Variants in TAF9 observed in about 807,000 individuals in gnomAD.
TAF9 encodes the protein transcription initiation factor TFIID subunit 9.
TAF9 carries 10 observed loss-of-function variants against 16.5 expected under a neutral mutation model. The observed-to-expected ratio is 0.61, with a 90% CI of 0.37 to 1.03. The LOEUF (loss-of-function observed/expected upper bound fraction) is 1.03. Among genes scored for constraint, TAF9 ranks in the 50% least tolerant of loss-of-function variants. TAF9 has a pLI of 0.01. For synonymous variants in TAF9, 105 were observed against 120.5 expected (o/e 0.87, Z 0.84); for missense variants, 288 against 319.1 (o/e 0.90, Z 0.74).
rs750248676 is a variant in TAF9 at position 69,366,549 on chromosome 5, T to C, written c.-64A>G. ...CATTAATGTATTTCAGTCCTGATTTTGACGCAAGTTCTTTGCCTAGTGTGG... is the reference window on the plus strand; with the variant it reads ...CATTAATGTATTTCAGTCCTGATTTCGACGCAAGTTCTTTGCCTAGTGTGG... On this transcript the variant is annotated 5_prime_UTR_variant, in exon 2 of 3. Coordinates refer to ENST00000217893, the MANE Select transcript of TAF9 (RefSeq NM_003187.5). 2.5e-6 allele frequency: 4 copies of C among 1,614,146 alleles called. No homozygotes were observed. Among genetic ancestry groups the C allele is most frequent in the Admixed American group, 1.7e-5 (1 of 60,024 alleles).
intron 2 of TAF9, 36 bp from the exon 3 acceptor site, chr5:69,365,790 C>T (rs1481910125): frequency 2.1e-6 from 3 of 1,405,686 alleles, no homozygotes; most frequent in African/African-American, 1.4e-5. Flanking sequence ...TACATTAGAT[C>T]AATCTGAAAT....
intron 2 of TAF9, 33 bp downstream of exon 2, chr5:69,366,470 A>C (rs1762430142): frequency 1.3e-6 from 2 of 1,580,122 alleles, no homozygotes; most frequent in Non-Finnish European, 1.7e-6. Context: ...TAAAAAAAAA[A>C]CAAAACAAAT....
At chr5:69,366,875 C>CA (rs1762453250) in intron 1 of TAF9, 1 of 352,838 alleles carries the variant, frequency 2.8e-6, no homozygotes. Flanking sequence ...TCTCCTGCCT[C>CA]AGTCTCCTCA....
At chr5:69,369,545 G>A, upstream of TAF9, 1 of 1,610,308 alleles carries the variant, frequency 6.2e-7, no homozygotes, top group South Asian at 1.1e-5. Flanking sequence ...TGCTCTACAG[G>A]GAGGAGCCGG....
chr5:69,369,481 G>A lies in TAF9; in HGVS notation c.-129C>T. ...CCCTGACCGGTGAGCAGGATGTTCG[G>A]AAGCAACATGGTCCCCGCCGCGACG... On this transcript the variant is annotated 5_prime_UTR_variant, in exon 1 of 3. Coordinates refer to ENST00000217893, the MANE Select transcript of TAF9 (RefSeq NM_003187.5). 1 of 1,611,304 alleles carries A rather than the reference G, an allele frequency of 6.2e-7. No individual in the cohort carries two copies. The highest frequency in any genetic ancestry group is 8.5e-7 in the Non-Finnish European group (1 of 1,179,322).
At chr5:69,368,265 T>A (rs1762594078) in intron 1 of TAF9, among the ~76,000 whole-genome samples, 1 of 152,222 alleles carries the variant, frequency 6.6e-6, no homozygotes, top group South Asian at 2.1e-4. Flanking sequence ...TGATACCTAT[T>A]AAAATTACAT....
At chr5:69,369,405 G>C in intron 1 of TAF9, 58 bp downstream of exon 1, 2 of 1,593,720 alleles carry the variant, frequency 1.3e-6, no homozygotes, top group South Asian at 1.1e-5. Flanking sequence ...CCGATGCCCA[G>C]AGCACTCTGC....
upstream of TAF9, chr5:69,369,582 C>CGGCCCCAAA (rs1322609339): frequency 3.1e-6 from 5 of 1,602,688 alleles, no homozygotes. Flanking sequence ...CAAAAGCCCA[C>CGGCCCCAAA]GGCCCCAAAG....
At chr5:69,366,701 C>T (rs1762442075) in intron 1 of TAF9, 106 bp from the exon 2 acceptor site, 4 of 804,248 alleles carry the variant, frequency 5.0e-6, no homozygotes, top group Non-Finnish European at 8.2e-6. Context: ...CTCACCTGGC[C>T]TCTGCCCTTA....
At chr5:69,368,688 C>T (rs3756402) in intron 1 of TAF9, 127,737 of 152,206 alleles carry the variant, frequency 0.84, 55,269 homozygotes, top group Non-Finnish European at 0.95. Context: ...CTGTACCTTG[C>T]AATAAAATCT....
upstream of TAF9, chr5:69,369,793 C>G (rs918579131): frequency 2.3e-5 from 31 of 1,366,142 alleles, no homozygotes; most frequent in East Asian, 7.9e-4. Flanking sequence ...TTGCGCCGAC[C>G]AGTCTGGAAG....
chr5:69,369,310 G>A (rs1429200741), intron 1 of TAF9, 153 bp downstream of exon 1: 1 of 547,066 alleles, frequency 1.8e-6, no homozygotes, highest in East Asian at 8.7e-5. Flanking sequence ...ACGCCCGCGA[G>A]GGTCGGCTCC....
At position 69,369,497 on chromosome 5, in the gene TAF9, C is replaced by A. The variant is rs374116068; in HGVS notation, c.-145G>T. On this transcript the variant is annotated 5_prime_UTR_variant, in exon 1 of 3. Transcript: ENST00000217893. ...GGATGTTCGGAAGCAACATGGTCCCCGCCGCGACGGCTTCGGGCGCCTCGC... is the reference window on the plus strand; with the variant it reads ...GGATGTTCGGAAGCAACATGGTCCCAGCCGCGACGGCTTCGGGCGCCTCGC... 20 of 1,611,486 alleles carry A rather than the reference C, an allele frequency of 1.2e-5. No homozygotes were observed. The African/African-American group carries it at 2.4e-4, about 19-fold the overall frequency.
Position 69,365,747 on chromosome 5 carries a change from T to C in TAF9, c.-10A>G, listed in dbSNP as rs773633469. On this transcript the variant is annotated 5_prime_UTR_variant, in exon 3 of 3. Transcript: ENST00000217893. ...TCTTGCCAGACTCCATGATATCCGA[T>C]GATCAGACTTTAGATCATTTGAAAA... The C allele has an allele frequency of 2.0e-6, 3 of 1,523,762 alleles. No individual in the cohort carries two copies. Among genetic ancestry groups the C allele is most frequent in the East Asian group, 2.3e-5 (1 of 44,162 alleles). 94.4% of individuals were successfully genotyped at this position (1,523,762 alleles called of 1,614,324 possible). A position where few individuals can be genotyped will look rare whatever the true frequency, so the allele number is the denominator to read the frequency against.
At position 69,365,267 on chromosome 5, in the gene TAF9, T is replaced by C; in HGVS notation, c.471A>G (p.Pro157=). 3 of 1,614,196 alleles carry C rather than the reference T, an allele frequency of 1.9e-6. No homozygotes were observed. The highest frequency in any genetic ancestry group is 2.5e-6 in the Non-Finnish European group (3 of 1,180,028). The change falls in exon 3 of 3, where the codon CCA becomes CCG. Residue 157 remains proline, a synonymous_variant. Transcript: ENST00000217893. ...RLSVGSVTSR[P]STPTLGTPTP... is the part of the protein sequence containing the mutation. The stretch of plus-strand genomic sequence containing the variant: ...TTGGTGTGCCTAGTGTGGGAGTACT[T>C]GGTCTGCTAGTAACTGAACCAACAC...
chr5:69,367,634 C>T lies in TAF9; in HGVS notation c.-110-1039G>A, dbSNP rs564022328. On this transcript the variant is annotated intron_variant, in intron 1 of 2. Transcript: ENST00000217893. The stretch of plus-strand genomic sequence containing the variant: ...TGCAGTGGAACTTGGCTCACTAGAG[C>T]CTTTACCTCCTGGGCTCAAGCAATC... 8.5e-4 allele frequency among the ~76,000 whole-genome samples: 129 copies of T among 152,124 alleles called. 1 individual carries two copies. The highest frequency in any genetic ancestry group is 2.9e-3 in the African/African-American group (121 of 41,496).
Position 69,365,342 on chromosome 5 carries a change from T to C in TAF9, c.396A>G (p.Leu132=), listed in dbSNP as rs1210651484. 6.2e-7 allele frequency: 1 copy of C among 1,614,078 alleles called. No homozygotes were observed. Among genetic ancestry groups the C allele is most frequent in the African/African-American group, 1.3e-5 (1 of 74,926 alleles). Residue 132 remains leucine (L), a synonymous_variant, in exon 3 of 3, where the codon TTA becomes TTG. Coordinates refer to ENST00000217893, the MANE Select transcript of TAF9 (RefSeq NM_003187.5). ...CCGCAGAAGTTGATGCCTTTTTCTG[T>C]AAAGATTTCAGCCTATAGTTTGGAG... ...LTAPNYRLKS[L]QKKASTSAGR...
At chr5:69,367,611 C>T (rs1309747679) in intron 1 of TAF9, among the ~76,000 whole-genome samples, 1 of 151,910 alleles carries the variant, frequency 6.6e-6, no homozygotes, top group Non-Finnish European at 1.5e-5. Context: ...GGCTGGAGTG[C>T]AGTGGAACTT....
chr5:69,365,009 T>C lies in TAF9; in HGVS notation c.729A>G (p.Ala243=), dbSNP rs146996937. 417 of 1,614,108 alleles carry C rather than the reference T, an allele frequency of 2.6e-4. No individual in the cohort carries two copies. The highest frequency in any genetic ancestry group is 3.3e-4 in the Non-Finnish European group (394 of 1,179,984). ...SQNTANESSN[A]LKRKREDDDD... ...CATCATCTTCACGTTTTCTTTTCAATGCATTTGATGATTCATTGGCAGTAT... is the reference window on the plus strand; with the variant it reads ...CATCATCTTCACGTTTTCTTTTCAACGCATTTGATGATTCATTGGCAGTAT... Residue 243 remains alanine, a synonymous_variant, in exon 3 of 3, where the codon GCA becomes GCG. Transcript: ENST00000217893.
Sources: gnomAD v4.1 joint callset for allele counts (sites outside exome capture counted in the v4.1 genomes callset) on GRCh38, gnomAD v4.1.1 for gene constraint, MANE v1.5 for transcripts, NCBI Gene and HGNC (gene_info 2026-07-23, HGNC 2026-07-21) for gene names.